The following NR3C2 variants were observed in gnomAD, a reference collection of about 807,000 sequenced individuals.
NR3C2 encodes nuclear receptor subfamily 3 group C member 2.
A neutral mutation model predicts 86.4 loss-of-function variants in NR3C2; 15 were observed. That is an observed-to-expected ratio of 0.17 (90% CI 0.12 to 0.27). The LOEUF (loss-of-function observed/expected upper bound fraction) is 0.27. NR3C2 is among the 10% of genes least tolerant of loss of function. The pLI is 1.00. For missense variants in NR3C2, 960 were observed against 1,195.6 expected, an observed-to-expected ratio of 0.80 and a Z score of 2.91; for synonymous variants, 458 against 450.5, an observed-to-expected ratio of 1.02 and a Z score of -0.21.
chr4:148,176,321 G>A (rs1735372800), intron 4 of NR3C2, among the ~76,000 whole-genome samples: 1 of 152,194 alleles, frequency 6.6e-6, no homozygotes, highest in Non-Finnish European at 1.5e-5. Context: ...TAACTGAGGT[G>A]GTCTGCAGGT....
chr4:148,283,722 A>G (rs1741367788), intron 2 of NR3C2, among the ~76,000 whole-genome samples: 1 of 151,218 alleles, frequency 6.6e-6, no homozygotes, highest in South Asian at 2.1e-4. Flanking sequence ...CCTATATAAT[A>G]AAAAATAACA....
intron 2 of NR3C2, among the ~76,000 whole-genome samples, chr4:148,322,705 C>G (rs1468037744): frequency 8.4e-6 from 1 of 118,714 alleles, no homozygotes; most frequent in Non-Finnish European, 1.7e-5. Context: ...TCACGTAGTT[C>G]TCGAGCCTTG....
intron 2 of NR3C2, among the ~76,000 whole-genome samples, chr4:148,372,156 A>C (rs2126389853): frequency 6.6e-6 from 1 of 152,304 alleles, no homozygotes; most frequent in South Asian, 2.1e-4. Flanking sequence ...ATTTAAAGTA[A>C]GTTCTATTCC....
rs141895393 is a variant in NR3C2 at position 148,143,307 on chromosome 4, C to T, written c.2510+9162G>A. Among the ~76,000 whole-genome samples the T allele has an allele frequency of 4.1e-3, 631 of 152,308 alleles. 4 individuals carry two copies. The highest frequency in any genetic ancestry group is 0.024 in the Middle Eastern group (7 of 294). ...AAGCTCTTGAGGAAATTCACTGAAA[C>T]GACATATTATTTTAAGTACCACTTT... On this transcript the variant is annotated intron_variant, in intron 6 of 8. Transcript: ENST00000358102.
intron 8 of NR3C2, among the ~76,000 whole-genome samples, chr4:148,113,777 C>T (rs146908082): frequency 1.4e-3 from 209 of 152,244 alleles, no homozygotes; most frequent in Non-Finnish European, 2.3e-3. Flanking sequence ...GAATGCAGGT[C>T]GTCCAGGGGA....
intron 2 of NR3C2, among the ~76,000 whole-genome samples, chr4:148,271,594 T>C (rs72655258): frequency 6.6e-4 from 101 of 152,226 alleles, no homozygotes; most frequent in African/African-American, 2.3e-3. Context: ...CGCTACTCTA[T>C]TTTTAAGGAA....
chr4:148,278,854 A>C (rs1561015551), intron 2 of NR3C2, among the ~76,000 whole-genome samples: 1 of 151,954 alleles, frequency 6.6e-6, no homozygotes, highest in African/African-American at 2.4e-5. Flanking sequence ...ACTACTCACC[A>C]ATAACCACCC....
chr4:148,323,183 G>A (rs1219684371), intron 2 of NR3C2, among the ~76,000 whole-genome samples: 2 of 138,810 alleles, frequency 1.4e-5, no homozygotes, highest in Non-Finnish European at 3.2e-5. Flanking sequence ...CTCCCAGTTA[G>A]GCTGCTCGGG....
At chr4:148,233,532 G>A (rs1468793178) in intron 3 of NR3C2, among the ~76,000 whole-genome samples, 2 of 151,754 alleles carry the variant, frequency 1.3e-5, no homozygotes, top group African/African-American at 2.4e-5. Context: ...GGATAATTTT[G>A]TATGTTTTGT....
chr4:148,081,673 A>T (rs1413909326), intron 8 of NR3C2, among the ~76,000 whole-genome samples, 174 bp from the exon 9 acceptor site: 1 of 152,168 alleles, frequency 6.6e-6, no homozygotes, highest in Non-Finnish European at 1.5e-5. Flanking sequence ...AAGGGTGCTC[A>T]CATCACCCAT....
intron 3 of NR3C2, among the ~76,000 whole-genome samples, chr4:148,248,571 T>G (rs946550863): frequency 6.6e-6 from 1 of 152,138 alleles, no homozygotes; most frequent in South Asian, 2.1e-4. Context: ...CTTTGTCTGG[T>G]TCTGTATTGG....
chr4:148,194,841 G>T lies in NR3C2; in HGVS notation c.1919C>A (p.Ala640Asp). The change falls in exon 4 of 9, where the codon GCT becomes GAT. Residue 640 changes from alanine to aspartate, a missense_variant. Transcript: ENST00000358102. Reference protein sequence around the residue: ...AVEGQHNYLCAGRNDCIIDKI... With the variant: ...AVEGQHNYLCDGRNDCIIDKI... ...ATCAATGATGCAATCATTTCTTCCA[G>T]CACATAAATAGTTGTGTTGCCCTGA... 6.2e-7 allele frequency: 1 copy of T among 1,611,442 alleles called. No homozygotes were observed.
intron 2 of NR3C2, among the ~76,000 whole-genome samples, chr4:148,334,362 G>A (rs1744379724): frequency 6.6e-6 from 1 of 152,180 alleles, no homozygotes; most frequent in African/African-American, 2.4e-5. Context: ...GGCCAACATG[G>A]CAAAACCCCA....
At chr4:148,262,360 T>C (rs1403862711) in intron 2 of NR3C2, among the ~76,000 whole-genome samples, 1 of 152,112 alleles carries the variant, frequency 6.6e-6, no homozygotes, top group African/African-American at 2.4e-5. Flanking sequence ...ATCACCAATA[T>C]GCTGGCAACT....
In NR3C2 at chr4:148,223,022, T is replaced by A. The variant is rs112996038; in HGVS notation, c.1898-28160A>T. Among the ~76,000 whole-genome samples, 1,482 of 152,230 alleles carry A rather than the reference T, an allele frequency of 9.7e-3. 20 individuals are homozygous for A. The highest frequency in any genetic ancestry group is 0.033 in the African/African-American group (1,381 of 41,552). On this transcript the variant is annotated intron_variant, in intron 3 of 8. Coordinates refer to ENST00000358102, the MANE Select transcript of NR3C2 (RefSeq NM_000901.5). The stretch of plus-strand genomic sequence containing the variant: ...AAACAAAAATGTGGTAAAGATAATA[T>A]GGGCAATGGAGCAAATGGAAACAAT...
intron 8 of NR3C2, among the ~76,000 whole-genome samples, chr4:148,094,789 C>T (rs899123416): frequency 4.6e-5 from 7 of 151,654 alleles, no homozygotes; most frequent in African/African-American, 1.7e-4. Context: ...TTCACAATTC[C>T]GAAAGGTGAA....
chr4:148,436,902 T>G (rs777793203), intron 1 of NR3C2, 40 bp from the exon 2 acceptor site: 191 of 1,464,086 alleles, frequency 1.3e-4, no homozygotes, highest in Middle Eastern at 1.1e-3. Context: ...GAGTCAGTTA[T>G]AGCAATATTA....
intron 3 of NR3C2, among the ~76,000 whole-genome samples, chr4:148,242,833 T>C (rs948404002): frequency 5.3e-5 from 8 of 152,286 alleles, no homozygotes; most frequent in Non-Finnish European, 8.8e-5. Flanking sequence ...GTGAGTGAAC[T>C]GCTATCACAT....
intron 3 of NR3C2, among the ~76,000 whole-genome samples, chr4:148,210,812 A>C (rs1165272990): frequency 6.6e-6 from 1 of 152,260 alleles, no homozygotes; most frequent in African/African-American, 2.4e-5. Context: ...TTTCATATAC[A>C]AAACCACCAC....
Sources: gnomAD v4.1 joint callset for allele counts (sites outside exome capture counted in the v4.1 genomes callset) on GRCh38, gnomAD v4.1.1 for gene constraint, MANE v1.5 for transcripts, NCBI Gene and HGNC (gene_info 2026-07-23, HGNC 2026-07-21) for gene names.